The following FAM47E variants were observed in gnomAD, a reference collection of about 807,000 sequenced individuals.
FAM47E encodes family with sequence similarity 47 member E, also known as protein FAM47E.
Under a neutral mutation model 41.6 loss-of-function variants are expected in FAM47E, and 32 were observed. That is an observed-to-expected ratio of 0.77 (90% CI 0.58 to 1.03). The LOEUF (loss-of-function observed/expected upper bound fraction) is 1.03. Among genes scored for constraint, FAM47E ranks in the 50% least tolerant of loss-of-function variants. The probability of loss-of-function intolerance (pLI) is 0.00; values close to 1 mark genes in which losing one functional copy is unlikely to be tolerated. For synonymous variants in FAM47E, 184 were observed against 188.7 expected (o/e 0.98, Z 0.20); for missense variants, 424 against 485.4 (o/e 0.87, Z 1.19).
At chr4:76,253,897 G>A (rs114372500) in intron 1 of FAM47E, among the ~76,000 whole-genome samples, 3,024 of 151,888 alleles carry the variant, frequency 0.02, 75 homozygotes, top group Middle Eastern at 0.055. Flanking sequence ...AGGATCACTT[G>A]AACCCGAAGT....
chr4:76,266,191 G>A (rs999023236), intron 3 of FAM47E, among the ~76,000 whole-genome samples: 14 of 152,150 alleles, frequency 9.2e-5, no homozygotes, highest in South Asian at 4.1e-4. Flanking sequence ...TTTACTGGCC[G>A]CTCTTTACCT....
At chr4:76,253,963 A>G (rs1334915351) in intron 1 of FAM47E, among the ~76,000 whole-genome samples, 1 of 151,822 alleles carries the variant, frequency 6.6e-6, no homozygotes, top group Non-Finnish European at 1.5e-5. Flanking sequence ...TACAAAAGCA[A>G]TTTAAAAATT....
chr4:76,247,726 T>C (rs1031255546), upstream of FAM47E, among the ~76,000 whole-genome samples: 2 of 152,130 alleles, frequency 1.3e-5, no homozygotes, highest in African/African-American at 4.8e-5. Flanking sequence ...ATGTGATTTT[T>C]GGCCATTTGT....
At chr4:76,255,034 G>A (rs115313834) in intron 1 of FAM47E, among the ~76,000 whole-genome samples, 2,871 of 152,214 alleles carry the variant, frequency 0.019, 64 homozygotes, top group Middle Eastern at 0.051. Context: ...TCTCCAGTGG[G>A]CAACCAATAT....
intron 2 of FAM47E, among the ~76,000 whole-genome samples, chr4:76,238,843 G>A (rs1441917): frequency 0.74 from 112,470 of 152,066 alleles, 42,376 homozygotes; most frequent in East Asian, 0.82. Context: ...TTGTTGTGCT[G>A]CCATCACCAC....
intron 2 of FAM47E, among the ~76,000 whole-genome samples, chr4:76,223,302 C>T (rs1733341211): frequency 6.6e-6 from 1 of 152,168 alleles, no homozygotes; most frequent in African/African-American, 2.4e-5. Flanking sequence ...ACAGAATTGT[C>T]TCCTTCTTGG....
At chr4:76,273,075 G>T (rs1734958260) in intron 5 of FAM47E, among the ~76,000 whole-genome samples, 1 of 152,184 alleles carries the variant, frequency 6.6e-6, no homozygotes, top group South Asian at 2.1e-4. Flanking sequence ...TCCAGTGGAT[G>T]CTGAAACTTT....
At chr4:76,237,351 G>GT (rs71924228) in intron 2 of FAM47E, among the ~76,000 whole-genome samples, 32 of 141,836 alleles carry the variant, frequency 2.3e-4, no homozygotes, top group South Asian at 1.1e-3. Context: ...GGGCCTTAGA[G>GT]TTTTTTTTTT....
At chr4:76,233,778 C>A (rs1560731552) in intron 2 of FAM47E, among the ~76,000 whole-genome samples, 2 of 152,162 alleles carry the variant, frequency 1.3e-5, no homozygotes, top group African/African-American at 2.4e-5. Flanking sequence ...CAGTTACAGG[C>A]AGTGCCCCCA....
At position 76,224,866 on chromosome 4, in the gene FAM47E, C is replaced by T. The variant is rs112902275; in HGVS notation, c.81+7178C>T. On this transcript the variant is annotated intron_variant, in intron 2 of 7. Coordinates refer to the FAM47E transcript ENST00000510197. ...GCACACATCACCCAAGCAGTAAACA[C>T]GGTATCCAATGTGTAGTCTTTTATC... Among the ~76,000 whole-genome samples, 819 of 152,206 alleles carry T rather than the reference C, an allele frequency of 5.4e-3. 10 individuals carry two copies. The highest frequency in any genetic ancestry group is 0.018 in the African/African-American group (766 of 41,524).
At chr4:76,230,933 T>C (rs1387569685) in intron 2 of FAM47E, among the ~76,000 whole-genome samples, 1 of 152,218 alleles carries the variant, frequency 6.6e-6, no homozygotes, top group Non-Finnish European at 1.5e-5. Flanking sequence ...CACGATCACC[T>C]GTGCTGTGCC....
chr4:76,271,420 C>A, intron 4 of FAM47E, 148 bp from the exon 5 acceptor site: 1 of 936,560 alleles, frequency 1.1e-6, no homozygotes, highest in Non-Finnish European at 1.6e-6. Context: ...AAACCCCAAA[C>A]ACTTCTTGTC....
intron 2 of FAM47E, among the ~76,000 whole-genome samples, chr4:76,259,799 C>T (rs1261362947): frequency 1.3e-5 from 2 of 152,154 alleles, no homozygotes; most frequent in South Asian, 4.1e-4. Flanking sequence ...TTTCATGATC[C>T]TACACCCAGA....
intron 7 of FAM47E, chr4:76,282,974 A>G (rs1013202253): frequency 1.3e-5 from 2 of 157,978 alleles, no homozygotes; most frequent in Non-Finnish European, 2.8e-5. Context: ...CCTCCTGTGT[A>G]CATTCACATA....
At chr4:76,247,465 T>A (rs535265783), upstream of FAM47E, among the ~76,000 whole-genome samples, 1 of 152,312 alleles carries the variant, frequency 6.6e-6, no homozygotes, top group Non-Finnish European at 1.5e-5. Context: ...AGAGTGGAAT[T>A]GATGTGTCAT....
At chr4:76,219,180 A>C (rs1056589840) in intron 2 of FAM47E, among the ~76,000 whole-genome samples, 1 of 152,210 alleles carries the variant, frequency 6.6e-6, no homozygotes, top group African/African-American at 2.4e-5. Flanking sequence ...AAGCAATGGC[A>C]CTGGAATACT....
At chr4:76,261,702 A>G (rs899649071) in intron 2 of FAM47E, among the ~76,000 whole-genome samples, 1 of 152,136 alleles carries the variant, frequency 6.6e-6, no homozygotes, top group African/African-American at 2.4e-5. Context: ...TGAGGATTCA[A>G]AAACTACCTA....
In FAM47E at chr4:76,256,435, G is replaced by C; in HGVS notation, c.332G>C (p.Arg111Pro). 1.3e-6 allele frequency: 2 copies of C among 1,552,246 alleles called. No homozygotes were observed. Among genetic ancestry groups the C allele is most frequent in the Non-Finnish European group, 1.7e-6 (2 of 1,147,406 alleles). Residue 111 changes from arginine to proline, a missense_variant, in exon 2 of 8, where the codon CGG becomes CCG. By Grantham distance (103) the Arg-to-Pro change is moderately radical. Transcript: ENST00000424749. ...LSKLSPAQQA[R>P]KAFLEDVEAH... ...AAGCTCTCGCCAGCCCAGCAGGCTC[G>C]GAAGGCATTCCTGGAGGACGTGGAG...
chr4:76,263,648 G>A, intron 2 of FAM47E, 56 bp from the exon 3 acceptor site: 1 of 1,529,384 alleles, frequency 6.5e-7, no homozygotes, highest in Non-Finnish European at 8.8e-7. Flanking sequence ...TGTAGAATGG[G>A]GACTCCCTTC....
Sources: allele counts gnomAD v4.1 joint callset (sites outside exome capture counted in the v4.1 genomes callset), GRCh38; gene constraint gnomAD v4.1.1; transcripts MANE v1.5; gene names NCBI Gene and HGNC (gene_info 2026-07-23, HGNC 2026-07-21).